ABHD5: variants seen among roughly 807,000 people sequenced by gnomAD.
ABHD5 encodes the protein 1-acylglycerol-3-phosphate O-acyltransferase ABHD5.
ABHD5 carries 30 observed loss-of-function variants against 44.9 expected under a neutral mutation model. The observed-to-expected ratio is 0.67, with a 90% CI of 0.50 to 0.91. ABHD5 has a LOEUF of 0.91. Ranked by LOEUF, ABHD5 falls within the 40% of genes least tolerant of loss-of-function variation. The probability of loss-of-function intolerance (pLI) is 0.00; values close to 1 mark genes in which losing one functional copy is unlikely to be tolerated. For missense variants in ABHD5, 399 were observed against 423.4 expected, an observed-to-expected ratio of 0.94 and a Z score of 0.50; for synonymous variants, 167 against 147.0, an observed-to-expected ratio of 1.14 and a Z score of -0.99.
intron 3 of ABHD5, among the ~76,000 whole-genome samples, chr3:43,710,898 G>A (rs1388265940): frequency 1.3e-5 from 2 of 152,168 alleles, no homozygotes; most frequent in Admixed American, 1.3e-4. Context: ...TGGAAGTACT[G>A]CTGATAGTTC....
In ABHD5 at chr3:43,702,574, A is replaced by G. The variant is rs773516287; in HGVS notation, c.493A>G (p.Lys165Glu). The stretch of plus-strand genomic sequence containing the variant: ...ATTCTTGGCTGCTGCTTACTCGCTG[A>G]AGTACCCATCAAGGTAAGTGGTGGT... ...GGFLAAAYSLKYPSRVNHLIL... is the reference protein window; with the variant it reads ...GGFLAAAYSLEYPSRVNHLIL... The change falls in exon 3 of 7, where the codon AAG (lysine) becomes GAG (glutamate). Residue 165 changes from lysine to glutamate, a missense_variant. Transcript: ENST00000644371. 3 of 1,614,182 alleles carry G rather than the reference A, an allele frequency of 1.9e-6. No individual in the cohort carries two copies. The highest frequency in any genetic ancestry group is 1.1e-5 in the South Asian group (1 of 91,088).
chr3:43,707,647 G>A (rs1193515868), intron 3 of ABHD5: 4 of 150,404 alleles, frequency 2.7e-5, no homozygotes, highest in East Asian at 1.9e-4. Context: ...TTTTTCCCCC[G>A]AGACAGTGTC....
intron 4 of ABHD5, among the ~76,000 whole-genome samples, chr3:43,713,630 C>T (rs1257023523): frequency 2.0e-5 from 3 of 152,140 alleles, no homozygotes; most frequent in African/African-American, 7.2e-5. Context: ...TCAGCCCTCC[C>T]CAGTAGAGCC....
chr3:43,702,043 T>G, intron 2 of ABHD5, 172 bp from the exon 3 acceptor site: 1 of 622,772 alleles, frequency 1.6e-6, no homozygotes, highest in Non-Finnish European at 2.7e-6. Context: ...AACATGGTCA[T>G]TTAGGATTAT....
At chr3:43,706,260 G>C (rs2084617524) in intron 3 of ABHD5, among the ~76,000 whole-genome samples, 1 of 152,104 alleles carries the variant, frequency 6.6e-6, no homozygotes, top group Non-Finnish European at 1.5e-5. Flanking sequence ...CATCCAGCTT[G>C]CTTTTGATCC....
chr3:43,708,526 C>T (rs1171950865), intron 3 of ABHD5, among the ~76,000 whole-genome samples: 4 of 152,182 alleles, frequency 2.6e-5, no homozygotes, highest in African/African-American at 9.7e-5. Context: ...ACCTGTCTTT[C>T]CATGTTCCCG....
rs930368048 is a variant in ABHD5 at position 43,691,850 on chromosome 3, G to A, written c.47+811G>A. On this transcript the variant is annotated intron_variant, in intron 1 of 6. Coordinates refer to ENST00000644371, the MANE Select transcript of ABHD5 (RefSeq NM_016006.6). ...ATTATTCTGGCTTTACTGGCGAAGT[G>A]TGTGTTGCATGTGCCTTAGAAGAAC... is the stretch of plus-strand genomic sequence containing the variant. 2.6e-5 allele frequency among the ~76,000 whole-genome samples: 4 copies of A among 152,330 alleles called. No homozygotes were observed. In the East Asian group the frequency reaches 7.7e-4, roughly 29 times the overall value.
intron 1 of ABHD5, chr3:43,695,116 A>G (rs928524392): frequency 1.3e-5 from 2 of 152,078 alleles, no homozygotes; most frequent in African/African-American, 4.8e-5. Context: ...TGACCTCCTG[A>G]CTGAGCTCAA....
chr3:43,722,397 T>C lies in ABHD5; in HGVS notation c.*3865T>C, dbSNP rs2084847006. On this transcript the variant is annotated 3_prime_UTR_variant, in exon 7 of 7. Transcript: ENST00000644371. ...CAAATGGAAAAAATATGTATTTGCT[T>C]TTTTTGTAAAGCAATAGAAGAATTA... is the stretch of plus-strand genomic sequence containing the variant. 6.6e-6 allele frequency: 1 copy of C among 152,214 alleles called. No individual in the cohort carries two copies. Among genetic ancestry groups the C allele is most frequent in the Non-Finnish European group, 1.5e-5 (1 of 68,038 alleles). The allele number at this position is 152,214 out of a possible 1,614,324, so 9.4% of individuals were successfully genotyped here.
chr3:43,717,047 T>G (rs1378153146), intron 5 of ABHD5, among the ~76,000 whole-genome samples: 1 of 152,128 alleles, frequency 6.6e-6, no homozygotes, highest in Non-Finnish European at 1.5e-5. Flanking sequence ...GGTGCGTGCC[T>G]GTAATCCCAG....
At chr3:43,701,321 C>T (rs535982214) in intron 2 of ABHD5, among the ~76,000 whole-genome samples, 2 of 152,304 alleles carry the variant, frequency 1.3e-5, no homozygotes, top group East Asian at 3.9e-4. Flanking sequence ...TTCTTCTTTG[C>T]TGCCACTATG....
intron 1 of ABHD5, among the ~76,000 whole-genome samples, chr3:43,697,519 T>C (rs1257513519): frequency 6.6e-6 from 1 of 152,180 alleles, no homozygotes; most frequent in African/African-American, 2.4e-5. Flanking sequence ...AGCTTCACCT[T>C]TAACCTCTAA....
chr3:43,698,186 A>C (rs766899620), intron 1 of ABHD5, among the ~76,000 whole-genome samples: 2 of 152,204 alleles, frequency 1.3e-5, no homozygotes, highest in African/African-American at 2.4e-5. Context: ...TGGTAACCTA[A>C]GAGAGACGCC....
At position 43,717,656 on chromosome 3, in the gene ABHD5, TCCTTGCCGTTA is replaced by T; in HGVS notation, c.774-14_774-4del. On this transcript the variant is annotated splice_polypyrimidine_tract_variant and splice_region_variant and intron_variant, in intron 5 of 6. Transcript: ENST00000644371. ...CCAAAAATCATACATCGTGATTTTCTCCTTGCCGTTAAAGTGGTGAGACAGCTTTCAAGAAT... is the reference window on the plus strand; with the variant it reads ...CCAAAAATCATACATCGTGATTTTCTAAGTGGTGAGACAGCTTTCAAGAAT... 1 of 1,614,034 alleles carries T rather than the reference TCCTTGCCGTTA, an allele frequency of 6.2e-7. No homozygotes were observed. Among genetic ancestry groups the T allele is most frequent in the East Asian group, 2.2e-5 (1 of 44,880 alleles).
In ABHD5 at chr3:43,720,551, A is replaced by G. The variant is rs2084822599; in HGVS notation, c.*2019A>G. 1 of 152,224 alleles carries G rather than the reference A, an allele frequency of 6.6e-6. No individual in the cohort carries two copies. The highest frequency in any genetic ancestry group is 2.1e-4 in the South Asian group (1 of 4,832). The allele number at this position is 152,224 out of a possible 1,614,324, so 9.4% of individuals were successfully genotyped here. A position where few individuals can be genotyped will look rare whatever the true frequency, so the allele number is the denominator to read the frequency against. ...AGTATATGTAATTTTGTGAAGATTG[A>G]GCTGGAAGGGAAGTTCACAATCCTC... On this transcript the variant is annotated 3_prime_UTR_variant, in exon 7 of 7. Coordinates refer to ENST00000644371, the MANE Select transcript of ABHD5 (RefSeq NM_016006.6).
At chr3:43,705,011 T>G (rs1411333478) in intron 3 of ABHD5, among the ~76,000 whole-genome samples, 1 of 152,224 alleles carries the variant, frequency 6.6e-6, no homozygotes, top group African/African-American at 2.4e-5. Flanking sequence ...CAGGTTAATT[T>G]CAAAATAATG....
chr3:43,716,706 T>C (rs900281996), intron 5 of ABHD5, among the ~76,000 whole-genome samples: 1 of 152,196 alleles, frequency 6.6e-6, no homozygotes, highest in African/African-American at 2.4e-5. Context: ...CAGTTTTTTT[T>C]AGGGGTCTTC....
rs752632573 is a variant in ABHD5 at position 43,718,657 on chromosome 3, A to T, written c.*125A>T. 29 of 915,228 alleles carry T rather than the reference A, an allele frequency of 3.2e-5. No individual in the cohort carries two copies. The highest frequency in any genetic ancestry group is 4.8e-5 in the Non-Finnish European group (27 of 562,398). 56.7% of individuals were successfully genotyped at this position (915,228 alleles called of 1,614,324 possible). ...GGCAGCCTTCTTGACTATACTTTGCACATGTTTTCTTTAGGAATTCACTCA... is the reference window on the plus strand; with the variant it reads ...GGCAGCCTTCTTGACTATACTTTGCTCATGTTTTCTTTAGGAATTCACTCA... On this transcript the variant is annotated 3_prime_UTR_variant, in exon 7 of 7. Coordinates refer to ENST00000644371, the MANE Select transcript of ABHD5 (RefSeq NM_016006.6).
At position 43,721,431 on chromosome 3, in the gene ABHD5, A is replaced by G. The variant is rs533447323; in HGVS notation, c.*2899A>G. 2.0e-5 allele frequency: 3 copies of G among 152,224 alleles called. No homozygotes were observed. Among genetic ancestry groups the G allele is most frequent in the East Asian group, 1.9e-4 (1 of 5,190 alleles). The allele number at this position is 152,224 out of a possible 1,614,324, so 9.4% of individuals were successfully genotyped here. A position where few individuals can be genotyped will look rare whatever the true frequency, so the allele number is the denominator to read the frequency against. ...TCAGAAGCAATAAAAAGAGAAGTCT[A>G]TAGAAGAATTTTCAGCCAGATGGAA... On this transcript the variant is annotated 3_prime_UTR_variant, in exon 7 of 7. Transcript: ENST00000644371.
Sources: gnomAD v4.1 joint callset for allele counts (sites outside exome capture counted in the v4.1 genomes callset) on GRCh38, gnomAD v4.1.1 for gene constraint, MANE v1.5 for transcripts, NCBI Gene and HGNC (gene_info 2026-07-23, HGNC 2026-07-21) for gene names.